SAMD4A: variants seen among roughly 807,000 people sequenced by gnomAD.
SAMD4A encodes sterile alpha motif domain containing 4A, also known as protein Smaug homolog 1.
A neutral mutation model predicts 81.3 loss-of-function variants in SAMD4A; 33 were observed. The ratio of observed to expected loss-of-function variants is 0.41; its 90% CI spans 0.31 to 0.54. The LOEUF is 0.54. SAMD4A is among the 20% of genes least tolerant of loss of function. The pLI is 0.37. For missense variants in SAMD4A, 854 were observed against 951.1 expected, an observed-to-expected ratio of 0.90 and a Z score of 1.34; for synonymous variants, 389 against 382.1, an observed-to-expected ratio of 1.02 and a Z score of -0.21.
intron 2 of SAMD4A, among the ~76,000 whole-genome samples, chr14:54,570,574 A>C (rs376133319): frequency 2.6e-5 from 4 of 152,304 alleles, no homozygotes; most frequent in African/African-American, 7.2e-5. Context: ...GAGACAGAAA[A>C]ACTGTAACTT....
At chr14:54,573,438 A>C (rs972936349) in intron 2 of SAMD4A, among the ~76,000 whole-genome samples, 19 of 152,202 alleles carry the variant, frequency 1.2e-4, no homozygotes, top group Non-Finnish European at 2.9e-5. Flanking sequence ...ACAGAAGTCT[A>C]ATTCTAGAGA....
chr14:54,776,363 C>T (rs1951436), intron 10 of SAMD4A, 51 bp from the exon 11 acceptor site: 1 of 1,547,704 alleles, frequency 6.5e-7, no homozygotes, highest in Non-Finnish European at 8.7e-7. Context: ...GCTCTGCTCT[C>T]CACCCCAGTG....
intron 2 of SAMD4A, chr14:54,693,084 A>G (rs1166509091): frequency 6.6e-6 from 1 of 152,190 alleles, no homozygotes; most frequent in East Asian, 1.9e-4. Flanking sequence ...TTTTCTAGCA[A>G]AAAACAATGG....
At chr14:54,725,617 T>C (rs1248666870) in intron 3 of SAMD4A, among the ~76,000 whole-genome samples, 2 of 152,230 alleles carry the variant, frequency 1.3e-5, no homozygotes, top group Non-Finnish European at 2.9e-5. Flanking sequence ...ACTTTTGAGA[T>C]GATTTTTCCA....
At position 54,792,019 on chromosome 14, in the gene SAMD4A, T is replaced by G. The variant is rs373409358; in HGVS notation, c.*3075T>G. 6.6e-6 allele frequency: 1 copy of G among 152,230 alleles called. No homozygotes were observed. The highest frequency in any genetic ancestry group is 1.5e-5 in the Non-Finnish European group (1 of 68,040). The allele number at this position is 152,230 out of a possible 1,614,324, so 9.4% of individuals were successfully genotyped here. A position where few individuals can be genotyped will look rare whatever the true frequency, so the allele number is the denominator to read the frequency against. ...CATCTCTACATTGTCCTAGGGACAG[T>G]GGTGTTCTACAATATTATCATGTAT... is the stretch of plus-strand genomic sequence containing the variant. On this transcript the variant is annotated 3_prime_UTR_variant, in exon 13 of 13. Coordinates refer to ENST00000554335, the MANE Select transcript of SAMD4A (RefSeq NM_015589.6).
Position 54,666,430 on chromosome 14 carries a change from C to A in SAMD4A, c.197-35632C>A, listed in dbSNP as rs530966285. Among the ~76,000 whole-genome samples the A allele has an allele frequency of 2.6e-5, 4 of 152,192 alleles. No individual in the cohort carries two copies. The South Asian group carries it at 6.2e-4, about 24-fold the overall frequency. Reference sequence around the variant, plus strand: ...ATACATACTGAAGTGCTTCAGTTGGCCCTGCAGAACCCACCTATAGGAAAA... The same window carrying A: ...ATACATACTGAAGTGCTTCAGTTGGACCTGCAGAACCCACCTATAGGAAAA... On this transcript the variant is annotated intron_variant, in intron 2 of 12. Transcript: ENST00000554335.
chr14:54,611,802 G>A (rs1018104312), intron 2 of SAMD4A, among the ~76,000 whole-genome samples: 6 of 151,868 alleles, frequency 4.0e-5, no homozygotes, highest in Non-Finnish European at 5.9e-5. Context: ...ACTTGAACCC[G>A]GGAGGTGGAG....
intron 2 of SAMD4A, among the ~76,000 whole-genome samples, chr14:54,589,098 C>T (rs1225838585): frequency 6.6e-6 from 1 of 152,182 alleles, no homozygotes; most frequent in Non-Finnish European, 1.5e-5. Flanking sequence ...CTCAAATTAG[C>T]ACCCTTATCT....
chr14:54,766,345 A>G, intron 8 of SAMD4A, among the ~76,000 whole-genome samples: 1 of 151,440 alleles, frequency 6.6e-6, no homozygotes, highest in Non-Finnish European at 1.5e-5. Context: ...AGGTTACAGT[A>G]GTGAGAGAAT....
intron 2 of SAMD4A, among the ~76,000 whole-genome samples, chr14:54,629,362 G>A (rs2034840371): frequency 6.6e-6 from 1 of 152,132 alleles, no homozygotes; most frequent in Non-Finnish European, 1.5e-5. Context: ...GTTGTTTTAA[G>A]TTACCCAGTT....
intron 6 of SAMD4A, among the ~76,000 whole-genome samples, chr14:54,754,091 C>A (rs555895140): frequency 6.6e-6 from 1 of 152,182 alleles, no homozygotes; most frequent in Non-Finnish European, 1.5e-5. Context: ...GGAAGCGCAC[C>A]CACCTGGGAG....
chr14:54,596,741 A>G (rs2033920626), intron 2 of SAMD4A, among the ~76,000 whole-genome samples: 1 of 152,218 alleles, frequency 6.6e-6, no homozygotes, highest in African/African-American at 2.4e-5. Flanking sequence ...TCCTGCTGGC[A>G]ATCCCATTGG....
chr14:54,666,378 T>TC (rs1400036299), intron 2 of SAMD4A, among the ~76,000 whole-genome samples: 19 of 152,308 alleles, frequency 1.2e-4, no homozygotes, highest in African/African-American at 4.1e-4. Context: ...GGGTATTGGC[T>TC]CTGGGACCCC....
chr14:54,661,962 A>G (rs1157879534), intron 2 of SAMD4A, among the ~76,000 whole-genome samples: 1 of 152,196 alleles, frequency 6.6e-6, no homozygotes, highest in Non-Finnish European at 1.5e-5. Flanking sequence ...TATGTTGAGC[A>G]GGTATTGAGA....
chr14:54,764,837 A>G (rs1005726772), intron 8 of SAMD4A, among the ~76,000 whole-genome samples: 4 of 152,218 alleles, frequency 2.6e-5, no homozygotes, highest in African/African-American at 4.8e-5. Context: ...AGGGTAACAC[A>G]TGAGCCCTGC....
At chr14:54,577,790 G>T (rs925894837) in intron 2 of SAMD4A, among the ~76,000 whole-genome samples, 83 of 152,192 alleles carry the variant, frequency 5.5e-4, no homozygotes, top group Non-Finnish European at 1.5e-4. Flanking sequence ...TGGCGGGGGG[G>T]CACTCGAAAG....
chr14:54,653,702 C>A (rs2035458436), intron 2 of SAMD4A, among the ~76,000 whole-genome samples: 1 of 152,080 alleles, frequency 6.6e-6, no homozygotes, highest in Non-Finnish European at 1.5e-5. Flanking sequence ...TCTCTTGAGG[C>A]AATAATTGGA....
rs540452956 is a variant in SAMD4A at position 54,741,169 on chromosome 14, A to C, written c.979+3882A>C. On this transcript the variant is annotated intron_variant, in intron 4 of 12. Coordinates refer to ENST00000554335, the MANE Select transcript of SAMD4A (RefSeq NM_015589.6). ...AATTGTGAGTTGGTACTCAACAGTAATACCATTCTTTCCCTGGGCAACTCA... is the reference window on the plus strand; with the variant it reads ...AATTGTGAGTTGGTACTCAACAGTACTACCATTCTTTCCCTGGGCAACTCA... Among the ~76,000 whole-genome samples the C allele has an allele frequency of 9.8e-5, 15 of 152,322 alleles. No individual in the cohort carries two copies. The South Asian group carries it at 3.1e-3, about 32-fold the overall frequency.
In SAMD4A at chr14:54,737,039, C is replaced by A. The variant is rs980004025; in HGVS notation, c.731C>A (p.Ala244Glu). The A allele has an allele frequency of 6.2e-7, 1 of 1,613,768 alleles. No individual in the cohort carries two copies. The highest frequency in any genetic ancestry group is 8.5e-7 in the Non-Finnish European group (1 of 1,179,980). The change falls in exon 4 of 13, where the codon GCA becomes GAA. Residue 244 changes from alanine (A) to glutamate (E), a missense_variant. Ala to Glu is a moderately radical substitution (Grantham distance 107). Around this residue, in one of 3 missense-constraint regions of SAMD4A, gnomAD observed 387 missense variants for 405.8 expected, o/e 0.95. Coordinates refer to ENST00000554335, the MANE Select transcript of SAMD4A (RefSeq NM_015589.6). ...TSTSTILSGQ[A>E]HHSPLKRSVS... ...TTTTTTCCAGTTCTCTCAGGCCAGG[C>A]ACACCACAGCCCTTTGAAACGATCT...
Sources: gnomAD v4.1 joint callset for allele counts (sites outside exome capture counted in the v4.1 genomes callset) on GRCh38, gnomAD v4.1.1 for gene constraint, gnomAD v4.1.1 regional missense constraint, MANE v1.5 for transcripts, NCBI Gene and HGNC (gene_info 2026-07-23, HGNC 2026-07-21) for gene names.